ESRRG: variants seen among roughly 807,000 people sequenced by gnomAD.
The protein encoded by ESRRG is estrogen-related receptor gamma.
ESRRG carries 13 observed loss-of-function variants against 44.0 expected under a neutral mutation model. The ratio of observed to expected loss-of-function variants is 0.30; its 90% CI spans 0.19 to 0.47. ESRRG has a LOEUF of 0.47. Among genes scored for constraint, ESRRG ranks in the 20% least tolerant of loss-of-function variants. The probability of loss-of-function intolerance (pLI) is 1.00; values close to 1 mark genes in which losing one functional copy is unlikely to be tolerated. For missense variants in ESRRG, 395 were observed against 580.6 expected, an observed-to-expected ratio of 0.68 and a Z score of 3.29; for synonymous variants, 215 against 214.6, an observed-to-expected ratio of 1.00 and a Z score of -0.02.
rs147660388 is a variant in ESRRG, at chr1:216,672,238, G to C, written c.472+4838C>G. Among the ~76,000 whole-genome samples, 6 of 152,256 alleles carry C rather than the reference G, an allele frequency of 3.9e-5. No individual in the cohort carries two copies. In the East Asian group the frequency reaches 9.6e-4, roughly 24 times the overall value. On this transcript the variant is annotated intron_variant, in intron 2 of 6. Coordinates refer to ENST00000408911, the MANE Select transcript of ESRRG (RefSeq NM_001438.4). ...GACAGGGTAGAGCTGTCAAAGTTTT[G>C]TAAAAAGTATTTTGGTCAGCCAAAA... is the stretch of plus-strand genomic sequence containing the variant.
chr1:217,101,353 T>C (rs1188056988), intron 1 of ESRRG, among the ~76,000 whole-genome samples: 1 of 152,218 alleles, frequency 6.6e-6, no homozygotes, highest in Admixed American at 6.5e-5. Context: ...AGACAATGTA[T>C]ATGCAATGTT....
intron 1 of ESRRG, among the ~76,000 whole-genome samples, chr1:217,026,244 C>T (rs1242146601): frequency 6.6e-6 from 1 of 152,228 alleles, no homozygotes; most frequent in Non-Finnish European, 1.5e-5. Flanking sequence ...AGATGCCCTT[C>T]TGGATCCATC....
In ESRRG at chr1:217,055,184, G is replaced by A. The variant is rs1037040813; in HGVS notation, c.-106+34323C>T. Reference sequence around the variant, plus strand: ...TAGCCCTTTTTTTCATGCATGATGAGGTTTAGAATCCTTAGACAATAGGCA... The same window carrying A: ...TAGCCCTTTTTTTCATGCATGATGAAGTTTAGAATCCTTAGACAATAGGCA... On this transcript the variant is annotated intron_variant, in intron 1 of 7. Coordinates refer to the ESRRG transcript ENST00000359162. Among the ~76,000 whole-genome samples, 3 of 152,094 alleles carry A rather than the reference G, an allele frequency of 2.0e-5. No homozygotes were observed. In the East Asian group the frequency reaches 5.8e-4, roughly 29 times the overall value.
chr1:217,042,721 C>A (rs1338744304), intron 1 of ESRRG, among the ~76,000 whole-genome samples: 1 of 151,730 alleles, frequency 6.6e-6, no homozygotes, highest in Admixed American at 6.6e-5. Context: ...AATTAGAAAC[C>A]CAATCTGTTC....
At chr1:217,137,246 G>A (rs571484118) in intron 1 of ESRRG, among the ~76,000 whole-genome samples, 3 of 152,286 alleles carry the variant, frequency 2.0e-5, no homozygotes, top group South Asian at 2.1e-4. Context: ...TGACCCAATC[G>A]CGCCTTTCCT....
chr1:216,643,837 A>C (rs1374140818), intron 3 of ESRRG, among the ~76,000 whole-genome samples: 3 of 152,172 alleles, frequency 2.0e-5, no homozygotes, highest in Non-Finnish European at 2.9e-5. Flanking sequence ...TGTTAGACTC[A>C]TAAACTCTGC....
chr1:216,900,325 AT>A (rs2058922159), intron 2 of ESRRG, among the ~76,000 whole-genome samples: 1 of 152,162 alleles, frequency 6.6e-6, no homozygotes, highest in Non-Finnish European at 1.5e-5. Flanking sequence ...CCAAAGACAA[AT>A]AAAAAACCCT....
chr1:217,015,755 G>T (rs1182273007), intron 1 of ESRRG, among the ~76,000 whole-genome samples: 1 of 134,672 alleles, frequency 7.4e-6, no homozygotes, highest in Non-Finnish European at 1.7e-5. Context: ...TTGAGACAGA[G>T]TTTCACTCTT....
chr1:216,617,767 G>A (rs1383218370), intron 3 of ESRRG, among the ~76,000 whole-genome samples: 1 of 152,098 alleles, frequency 6.6e-6, no homozygotes, highest in South Asian at 2.1e-4. Flanking sequence ...TGTAAAGCAA[G>A]AGCCTGCTTG....
chr1:217,114,510 C>T (rs952412392), intron 1 of ESRRG, among the ~76,000 whole-genome samples: 11 of 152,040 alleles, frequency 7.2e-5, no homozygotes, highest in African/African-American at 2.7e-4. Flanking sequence ...ATTTGAGGTG[C>T]TTCTTCATTC....
At chr1:217,109,221 T>C (rs2092633878) in intron 1 of ESRRG, among the ~76,000 whole-genome samples, 1 of 151,904 alleles carries the variant, frequency 6.6e-6, no homozygotes, top group Non-Finnish European at 1.5e-5. Context: ...TATAAACCAG[T>C]GAAGAGAATA....
chr1:216,506,828 G>A lies in ESRRG; in HGVS notation c.*111C>T, dbSNP rs1014963562. The A allele has an allele frequency of 1.2e-5, 15 of 1,202,022 alleles. No individual in the cohort carries two copies. The highest frequency in any genetic ancestry group is 1.6e-5 in the Non-Finnish European group (14 of 848,834). The allele number at this position is 1,202,022 out of a possible 1,614,324, so 74.5% of individuals were successfully genotyped here. On this transcript the variant is annotated 3_prime_UTR_variant, in exon 7 of 7. Coordinates refer to ENST00000408911, the MANE Select transcript of ESRRG (RefSeq NM_001438.4). ...GTCTTGCTGCTAAATTATCAGTGCAGTCTGTTGATTTTTGATGTTGTTAAC... is the reference window on the plus strand; with the variant it reads ...GTCTTGCTGCTAAATTATCAGTGCAATCTGTTGATTTTTGATGTTGTTAAC...
intron 3 of ESRRG, among the ~76,000 whole-genome samples, chr1:216,639,813 C>T (rs747189568): frequency 6.6e-6 from 1 of 152,148 alleles, no homozygotes; most frequent in Non-Finnish European, 1.5e-5. Context: ...CTAAGATACC[C>T]TCCCTTTGGG....
intron 1 of ESRRG, among the ~76,000 whole-genome samples, chr1:217,024,890 A>G (rs1053580432): frequency 1.3e-5 from 2 of 152,212 alleles, no homozygotes; most frequent in Admixed American, 1.3e-4. Flanking sequence ...GCTCCAGATT[A>G]CTCAGCCAAT....
intron 2 of ESRRG, among the ~76,000 whole-genome samples, chr1:216,836,281 A>T (rs1004022021): frequency 1.3e-5 from 2 of 152,108 alleles, no homozygotes. Flanking sequence ...CTTCTCCTCT[A>T]GTTTCCTTTC....
chr1:216,998,511 A>G (rs767949216), intron 1 of ESRRG, among the ~76,000 whole-genome samples: 2 of 152,200 alleles, frequency 1.3e-5, no homozygotes, highest in East Asian at 1.9e-4. Context: ...TTATCTAGAC[A>G]TTACTTCTTT....
chr1:216,775,504 C>T (rs936397767), intron 2 of ESRRG, among the ~76,000 whole-genome samples: 8 of 145,574 alleles, frequency 5.5e-5, no homozygotes, highest in Non-Finnish European at 4.5e-5. Context: ...CCCAATTGCT[C>T]AACCCTGACA....
intron 1 of ESRRG, among the ~76,000 whole-genome samples, chr1:216,945,858 G>T (rs1032244945): frequency 6.6e-6 from 1 of 152,110 alleles, no homozygotes; most frequent in Non-Finnish European, 1.5e-5. Flanking sequence ...TGATTCTGAT[G>T]GTTGGTCTGA....
intron 2 of ESRRG, among the ~76,000 whole-genome samples, chr1:216,768,484 A>G (rs960414110): frequency 1.5e-4 from 22 of 151,548 alleles, no homozygotes; most frequent in African/African-American, 5.1e-4. Flanking sequence ...CTATCTATCT[A>G]TCTATCTATC....
Sources: allele counts gnomAD v4.1 joint callset (sites outside exome capture counted in the v4.1 genomes callset), GRCh38; gene constraint gnomAD v4.1.1; transcripts MANE v1.5; gene names NCBI Gene and HGNC (gene_info 2026-07-23, HGNC 2026-07-21).